The following VAMP5 variants were observed in gnomAD, a reference collection of about 807,000 sequenced individuals.
VAMP5 encodes the protein vesicle associated membrane protein 5.
VAMP5 carries 10 observed loss-of-function variants against 8.1 expected under a neutral mutation model. The observed-to-expected ratio is 1.23, with a 90% CI of 0.76 to 2.09. The LOEUF (loss-of-function observed/expected upper bound fraction) is 2.09, where lower values mean the gene tolerates loss of function less well. VAMP5 is among the 30% of genes most tolerant of loss of function. The pLI, the probability that VAMP5 is intolerant of heterozygous loss-of-function variation, is 0.00. For synonymous variants in VAMP5, 62 were observed against 60.6 expected (o/e 1.02, Z -0.11); for missense variants, 135 against 152.5 (o/e 0.89, Z 0.60).
Position 85,593,029 on chromosome 2 carries a change from C to A in VAMP5, c.223C>A (p.Leu75Met), listed in dbSNP as rs1323617326. The A allele has an allele frequency of 1.5e-5, 25 of 1,614,154 alleles. No individual in the cohort carries two copies. Among genetic ancestry groups the A allele is most frequent in the East Asian group, 2.2e-5 (1 of 44,888 alleles). Residue 75 changes from leucine to methionine, a missense_variant, in exon 3 of 3, where the codon CTG (leucine) becomes ATG (methionine). By Grantham distance (15) the Leu-to-Met change is conservative. Transcript: ENST00000306384. ...ENIRYRICVG[L>M]VVVGVLLIIL... is the part of the protein sequence containing the mutation. The stretch of plus-strand genomic sequence containing the variant: ...CATCCGTTACCGGATCTGCGTGGGG[C>A]TGGTGGTGGTTGGTGTCCTGCTCAT...
At chr2:85,588,191 A>C (rs1321621364) in intron 1 of VAMP5, among the ~76,000 whole-genome samples, 1 of 151,814 alleles carries the variant, frequency 6.6e-6, no homozygotes, top group Non-Finnish European at 1.5e-5. Context: ...TGATCTGCCC[A>C]CCTTGGCCTC....
At chr2:85,591,941 T>G in intron 2 of VAMP5, 79 bp downstream of exon 2, 1 of 1,582,090 alleles carries the variant, frequency 6.3e-7, no homozygotes, top group Non-Finnish European at 8.6e-7. Flanking sequence ...GGATCTCCAG[T>G]TCCTTGGTGG....
At chr2:85,586,113 TTAGCCA>T (rs1672456101) in intron 1 of VAMP5, among the ~76,000 whole-genome samples, 1 of 152,228 alleles carries the variant, frequency 6.6e-6, no homozygotes, top group Non-Finnish European at 1.5e-5. Flanking sequence ...ACCAGATTCT[TTAGCCA>T]ATCAGCTAAA....
intron 1 of VAMP5, among the ~76,000 whole-genome samples, chr2:85,587,817 C>T (rs973501855): frequency 3.3e-5 from 5 of 152,114 alleles, no homozygotes; most frequent in African/African-American, 7.2e-5. Context: ...TTTCAACAGA[C>T]GGGTGCAAAG....
intron 2 of VAMP5, 126 bp downstream of exon 2, chr2:85,591,988 G>A: frequency 7.0e-7 from 1 of 1,431,806 alleles, no homozygotes; most frequent in South Asian, 1.3e-5. Flanking sequence ...TGGGGCCTCT[G>A]GGTTTCCTCA....
chr2:85,588,891 C>T (rs897877609), intron 1 of VAMP5, among the ~76,000 whole-genome samples: 35 of 152,174 alleles, frequency 2.3e-4, no homozygotes, highest in African/African-American at 8.0e-4. Context: ...TCTGTGGCAG[C>T]TCTGATACTT....
chr2:85,592,834 A>T, intron 2 of VAMP5, 114 bp from the exon 3 acceptor site: 22 of 917,024 alleles, frequency 2.4e-5, no homozygotes, highest in East Asian at 4.8e-5. Flanking sequence ...AGTAGACAAG[A>T]TGGGGAGGAT....
chr2:85,587,419 A>T (rs1282125515), intron 1 of VAMP5, among the ~76,000 whole-genome samples: 1 of 151,792 alleles, frequency 6.6e-6, no homozygotes, highest in African/African-American at 2.4e-5. Context: ...ACGCCTGGCT[A>T]ATTTTTGTAT....
At chr2:85,587,985 GT>G (rs1296639154) in intron 1 of VAMP5, among the ~76,000 whole-genome samples, 1 of 151,962 alleles carries the variant, frequency 6.6e-6, no homozygotes, top group Non-Finnish European at 1.5e-5. Flanking sequence ...AGGTTTTTTT[GT>G]TTTTGTTTCT....
intron 1 of VAMP5, among the ~76,000 whole-genome samples, chr2:85,589,545 A>G (rs1672510226): frequency 6.6e-6 from 1 of 152,270 alleles, no homozygotes; most frequent in African/African-American, 2.4e-5. Context: ...AGCATTTAGA[A>G]TAGAAAATAA....
At chr2:85,584,619 G>A in intron 1 of VAMP5, 126 bp downstream of exon 1, 1 of 1,151,638 alleles carries the variant, frequency 8.7e-7, no homozygotes, top group Non-Finnish European at 1.1e-6. Context: ...CAGACCTGAG[G>A]CGGTGACCAC....
At position 85,592,992 on chromosome 2, in the gene VAMP5, G is replaced by A; in HGVS notation, c.186G>A (p.Lys62=). The change falls in exon 3 of 3, where the codon AAG becomes AAA. Residue 62 remains lysine, a synonymous_variant. Transcript: ENST00000306384. Reference sequence around the variant, plus strand: ...CTACACAGAACCTGGCCCAGAAGAAGTGCTGGGAGAACATCCGTTACCGGA... The same window carrying A: ...CTACACAGAACCTGGCCCAGAAGAAATGCTGGGAGAACATCCGTTACCGGA... The part of the protein sequence containing the change: ...NKTTQNLAQK[K]CWENIRYRIC... 6.2e-7 allele frequency: 1 copy of A among 1,614,132 alleles called. No homozygotes were observed. Among genetic ancestry groups the A allele is most frequent in the South Asian group, 1.1e-5 (1 of 91,082 alleles).
intron 2 of VAMP5, 27 bp downstream of exon 2, chr2:85,591,889 G>A: frequency 1.2e-6 from 2 of 1,613,582 alleles, no homozygotes; most frequent in South Asian, 1.1e-5. Flanking sequence ...AGCATGGAGG[G>A]GAGGGGAGAG....
intron 2 of VAMP5, 131 bp from the exon 3 acceptor site, chr2:85,592,811 AAAAAAG>A: frequency 2.4e-6 from 2 of 827,188 alleles, no homozygotes; most frequent in African/African-American, 3.6e-5. Context: ...AAAAAAAAAA[AAAAAAG>A]AAAGAAAGTA....
At position 85,593,033 on chromosome 2, in the gene VAMP5, T is replaced by C. The variant is rs1672570435; in HGVS notation, c.227T>C (p.Val76Ala). The change falls in exon 3 of 3, where the codon GTG becomes GCG. Residue 76 changes from valine to alanine, a missense_variant. Coordinates refer to ENST00000306384, the MANE Select transcript of VAMP5 (RefSeq NM_006634.3). The part of the protein sequence containing the change: ...NIRYRICVGL[V>A]VVGVLLIILI... ...CGTTACCGGATCTGCGTGGGGCTGG[T>C]GGTGGTTGGTGTCCTGCTCATCATC... is the stretch of plus-strand genomic sequence containing the variant. 4 of 1,614,080 alleles carry C rather than the reference T, an allele frequency of 2.5e-6. No homozygotes were observed. Among genetic ancestry groups the C allele is most frequent in the Non-Finnish European group, 2.5e-6 (3 of 1,180,000 alleles).
intron 1 of VAMP5, among the ~76,000 whole-genome samples, chr2:85,588,204 A>G (rs1482029172): frequency 6.6e-6 from 1 of 152,070 alleles, no homozygotes; most frequent in Non-Finnish European, 1.5e-5. Flanking sequence ...TTGGCCTCCC[A>G]AAGTCCAGGG....
At chr2:85,585,188 C>G (rs574219495) in intron 1 of VAMP5, among the ~76,000 whole-genome samples, 28 of 152,378 alleles carry the variant, frequency 1.8e-4, no homozygotes, top group Admixed American at 3.3e-4. Context: ...CCCTGCTAAC[C>G]TCTACCTAGT....
At chr2:85,592,522 G>T (rs1219909048) in intron 2 of VAMP5, among the ~76,000 whole-genome samples, 3 of 152,150 alleles carry the variant, frequency 2.0e-5, no homozygotes, top group Non-Finnish European at 4.4e-5. Flanking sequence ...AGCAGACAAG[G>T]CCGGGCGCGG....
In VAMP5 at chr2:85,593,063, T is replaced by C. The variant is rs1384335747; in HGVS notation, c.257T>C (p.Ile86Thr). ...GTTGGTGTCCTGCTCATCATCCTGA[T>C]TGTGCTGCTGGTCGTCTTTCTCCCT... ...VVVGVLLIIL[I>T]VLLVVFLPQS... The change falls in exon 3 of 3, where the codon ATT (isoleucine) becomes ACT (threonine). Residue 86 changes from isoleucine (I) to threonine (T), a missense_variant. Coordinates refer to ENST00000306384, the MANE Select transcript of VAMP5 (RefSeq NM_006634.3). The C allele has an allele frequency of 1.9e-6, 3 of 1,614,094 alleles. No individual in the cohort carries two copies. In the African/African-American group the frequency reaches 4.0e-5, roughly 22 times the overall value.
Sources: gnomAD v4.1 joint callset for allele counts (sites outside exome capture counted in the v4.1 genomes callset) on GRCh38, gnomAD v4.1.1 for gene constraint, MANE v1.5 for transcripts, NCBI Gene and HGNC (gene_info 2026-07-23, HGNC 2026-07-21) for gene names.